NUP210L: variants seen among roughly 807,000 people sequenced by gnomAD.
NUP210L encodes the protein nuclear pore membrane glycoprotein 210-like.
A neutral mutation model predicts 208.5 loss-of-function variants in NUP210L; 74 were observed. The ratio of observed to expected loss-of-function variants is 0.35; its 90% confidence interval spans 0.29 to 0.43. The LOEUF is 0.43. Ranked by LOEUF, NUP210L falls within the 20% of genes least tolerant of loss-of-function variation. NUP210L has a pLI of 1.00. For synonymous variants in NUP210L, 780 were observed against 816.9 expected (o/e 0.95, Z 0.77); for missense variants, 1,843 against 2,289.4 (o/e 0.81, Z 3.98).
At chr1:153,993,547 T>G (rs1008719553) in intron 38 of NUP210L, among the ~76,000 whole-genome samples, 2 of 146,726 alleles carry the variant, frequency 1.4e-5, no homozygotes, top group Non-Finnish European at 3.0e-5. Context: ...GCCTGGGCGA[T>G]AGAGCCAGAC....
intron 5 of NUP210L, 52 bp from the exon 6 acceptor site, chr1:154,138,290 TCA>T (rs747290602): frequency 2.9e-5 from 42 of 1,464,352 alleles, no homozygotes; most frequent in African/African-American, 8.9e-5. Flanking sequence ...GACGGAACCC[TCA>T]CAGTCATCTT....
chr1:154,152,090 CAA>C (rs745735321), intron 2 of NUP210L, among the ~76,000 whole-genome samples: 5 of 103,906 alleles, frequency 4.8e-5, no homozygotes, highest in Non-Finnish European at 5.8e-5. Flanking sequence ...AACTCCGTCT[CAA>C]AAAAAAAAAA....
chr1:154,025,392 G>T (rs1651820524), intron 30 of NUP210L, 150 bp downstream of exon 30: 16 of 247,842 alleles, frequency 6.5e-5, no homozygotes, highest in East Asian at 1.3e-4. Flanking sequence ...GTTCTCTCAT[G>T]ATACAGAAGT....
At chr1:154,073,357 C>T (rs1654862242) in intron 16 of NUP210L, among the ~76,000 whole-genome samples, 1 of 151,916 alleles carries the variant, frequency 6.6e-6, no homozygotes, top group South Asian at 2.1e-4. Context: ...AACCCACATC[C>T]CTACAAAAAA....
At chr1:154,130,576 A>ATTTTTTTTT (rs765115829) in intron 7 of NUP210L, among the ~76,000 whole-genome samples, 1 of 98,962 alleles carries the variant, frequency 1.0e-5, no homozygotes, top group Non-Finnish European at 2.0e-5. Context: ...CCTGGCCCCA[A>ATTTTTTTTT]TTTTTTTTTT....
chr1:154,095,241 C>A, intron 14 of NUP210L, 85 bp from the exon 15 acceptor site: 1 of 978,400 alleles, frequency 1.0e-6, no homozygotes, highest in South Asian at 1.5e-5. Flanking sequence ...TCTGAATATG[C>A]TGCAAATGAC....
exon 12 of NUP210L, chr1:154,117,800 A>G (rs1228095316): frequency 6.2e-7 from 1 of 1,613,192 alleles, no homozygotes. Flanking sequence ...CCTGACCTGC[A>G]GTCACCACTC....
chr1:154,089,384 A>G (rs776381793), intron 16 of NUP210L, 37 bp downstream of exon 16: 144 of 1,576,106 alleles, frequency 9.1e-5, no homozygotes, highest in Non-Finnish European at 1.2e-4. Context: ...CGGAATATAA[A>G]AGTGCCAACT....
intron 33 of NUP210L, among the ~76,000 whole-genome samples, chr1:154,015,949 TAAATAAA>T (rs1487618623): frequency 6.9e-6 from 1 of 145,600 alleles, no homozygotes; most frequent in Non-Finnish European, 1.5e-5. Flanking sequence ...AATAAATAAA[TAAATAAA>T]AATAAAAAAA....
At chr1:154,118,317 A>G (rs753171456) in intron 11 of NUP210L, among the ~76,000 whole-genome samples, 15 of 152,158 alleles carry the variant, frequency 9.9e-5, no homozygotes, top group Non-Finnish European at 1.9e-4. Context: ...CTCAGAAAAA[A>G]AAAGAAAGAA....
chr1:154,048,579 C>T (rs1343525021), intron 25 of NUP210L, among the ~76,000 whole-genome samples: 1 of 152,160 alleles, frequency 6.6e-6, no homozygotes, highest in African/African-American at 2.4e-5. Flanking sequence ...CTATCCTGGG[C>T]CCTGTTCCAA....
At chr1:154,126,120 C>A (rs144112887) in intron 10 of NUP210L, among the ~76,000 whole-genome samples, 1 of 151,902 alleles carries the variant, frequency 6.6e-6, no homozygotes, top group Non-Finnish European at 1.5e-5. Context: ...ACACAATGAC[C>A]GCAAATGCAG....
chr1:154,058,274 T>C, intron 21 of NUP210L, 58 bp from the exon 22 acceptor site: 1 of 1,582,736 alleles, frequency 6.3e-7, no homozygotes, highest in Non-Finnish European at 8.6e-7. Flanking sequence ...AATGGCAGTC[T>C]AACTCTTAGA....
chr1:154,025,359 T>C lies in NUP210L; in HGVS notation c.4122+183A>G, dbSNP rs76738191. On this transcript the variant is annotated intron_variant, in intron 30 of 39. Transcript: ENST00000368559. ...TTTCTTCTTCTTCTTCTTCTCCTTT[T>C]TTTTTTTTTTTTTCTGGTTCATGTT... 1.2e-3 allele frequency among the ~76,000 whole-genome samples: 187 copies of C among 150,192 alleles called. 1 individual carries two copies. Among genetic ancestry groups the C allele is most frequent in the African/African-American group, 4.4e-3 (180 of 41,276 alleles).
Position 154,061,427 on chromosome 1 carries a change from A to G in NUP210L, c.2643+159T>C, listed in dbSNP as rs1026592330. Among the ~76,000 whole-genome samples, 15 of 152,234 alleles carry G rather than the reference A, an allele frequency of 9.9e-5. No homozygotes were observed. The South Asian group carries it at 2.1e-3, about 21-fold the overall frequency. ...TAATAAAGTCAATGTCTAATTCTTC[A>G]GCTCTATGGGAGAAGTTTCCAGGAC... On this transcript the variant is annotated intron_variant, in intron 18 of 39. Coordinates refer to ENST00000368559, the Ensembl canonical transcript of NUP210L.
chr1:154,113,631 G>A (rs560215787), intron 12 of NUP210L, among the ~76,000 whole-genome samples: 51 of 150,694 alleles, frequency 3.4e-4, no homozygotes, highest in Admixed American at 2.5e-3. Context: ...AGGCCAAGGC[G>A]GGCAGATCAC....
chr1:154,107,291 C>T (rs1359104580), intron 12 of NUP210L, among the ~76,000 whole-genome samples: 4 of 151,706 alleles, frequency 2.6e-5, no homozygotes, highest in Middle Eastern at 3.4e-3. Context: ...CTGGCTAACA[C>T]GGTGAAACCC....
intron 2 of NUP210L, 66 bp from the exon 3 acceptor site, chr1:154,143,643 A>G (rs947441026): frequency 3.2e-5 from 43 of 1,353,220 alleles, no homozygotes; most frequent in Non-Finnish European, 4.1e-5. Flanking sequence ...TGTCTCAAAT[A>G]CTCAAAACTG....
chr1:154,154,856 C>T, exon 1 of NUP210L: 1 of 1,613,996 alleles, frequency 6.2e-7, no homozygotes, highest in Non-Finnish European at 8.5e-7. Context: ...TGTAGCAGCC[C>T]CGCTGGGCCT....
Sources: allele counts gnomAD v4.1 joint callset (sites outside exome capture counted in the v4.1 genomes callset), GRCh38; gene constraint gnomAD v4.1.1; transcripts MANE v1.5; gene names NCBI Gene and HGNC (gene_info 2026-07-23, HGNC 2026-07-21).